The following JAKMIP1 variants were observed in gnomAD, a reference collection of about 807,000 sequenced individuals.
JAKMIP1 encodes janus kinase and microtubule interacting protein 1.
JAKMIP1 carries 33 observed loss-of-function variants against 113.0 expected under a neutral mutation model. That is an observed-to-expected ratio of 0.29 (90% confidence interval 0.22 to 0.39). The LOEUF (loss-of-function observed/expected upper bound fraction) is 0.39. Ranked by LOEUF, JAKMIP1 falls within the 10% of genes least tolerant of loss-of-function variation. JAKMIP1 has a pLI of 1.00. For synonymous variants in JAKMIP1, 480 were observed against 459.9 expected (o/e 1.04, Z -0.56); for missense variants, 813 against 1,080.5 (o/e 0.75, Z 3.47).
intron 1 of JAKMIP1, among the ~76,000 whole-genome samples, chr4:6,118,800 T>G (rs1716238814): frequency 6.6e-6 from 1 of 152,156 alleles, no homozygotes; most frequent in East Asian, 1.9e-4. Context: ...TGAGGCGGGC[T>G]GAATCGTGGC....
At chr4:6,052,897 C>T (rs1187541367) in intron 13 of JAKMIP1, among the ~76,000 whole-genome samples, 1 of 152,160 alleles carries the variant, frequency 6.6e-6, no homozygotes, top group Non-Finnish European at 1.5e-5. Flanking sequence ...CTGAGTCACT[C>T]TTGGTGTGAG....
chr4:6,127,263 A>G (rs1232951188), intron 1 of JAKMIP1, among the ~76,000 whole-genome samples: 3 of 152,228 alleles, frequency 2.0e-5, no homozygotes, highest in African/African-American at 7.2e-5. Flanking sequence ...GCCCGGGGGC[A>G]GCCAGGGCAT....
intron 3 of JAKMIP1, among the ~76,000 whole-genome samples, chr4:6,100,204 C>T (rs190098005): frequency 3.3e-5 from 5 of 152,332 alleles, no homozygotes; most frequent in South Asian, 4.1e-4. Flanking sequence ...GAACCTTCCT[C>T]GCCCAGTAAG....
At position 6,186,297 on chromosome 4, in the gene JAKMIP1, G is replaced by A. The variant is rs1726649553; in HGVS notation, c.-148+13956C>T. ...GGGCATTCCAGGAAAGTGGGATGGT[G>A]AGCAAAAGCATGGAAGTTGGAAAAG... On this transcript the variant is annotated intron_variant, in intron 1 of 20. Coordinates refer to ENST00000409021, the MANE Select transcript of JAKMIP1 (RefSeq NM_001099433.2). This position sits in a 1 kb window ranked among gnomAD's most constrained non-coding sequence, Gnocchi z 5.5. Among the ~76,000 whole-genome samples the A allele has an allele frequency of 1.3e-5, 2 of 152,202 alleles. No individual in the cohort carries two copies. The highest frequency in any genetic ancestry group is 2.4e-5 in the African/African-American group (1 of 41,458).
intron 3 of JAKMIP1, among the ~76,000 whole-genome samples, chr4:6,102,752 G>C (rs552406053): frequency 0.023 from 536 of 23,708 alleles, 9 homozygotes; most frequent in African/African-American, 0.12. Flanking sequence ...TTTTTTTTTT[G>C]AGAGGGAGTC....
Position 6,062,293 on chromosome 4 carries a change from T to G in JAKMIP1, c.1560+19A>C. The G allele has an allele frequency of 6.2e-7, 1 of 1,611,530 alleles. No homozygotes were observed. The highest frequency in any genetic ancestry group is 8.5e-7 in the Non-Finnish European group (1 of 1,179,724). On this transcript the variant is annotated intron_variant, in intron 10 of 20. Transcript: ENST00000409021. Reference sequence around the variant, plus strand: ...GGCCTTCGGCCCCTCCCTCGAGCCCTGAGGCTGGCTGCACTCACCCGGGCC... The same window carrying G: ...GGCCTTCGGCCCCTCCCTCGAGCCCGGAGGCTGGCTGCACTCACCCGGGCC...
At chr4:6,060,329 C>T in intron 11 of JAKMIP1, 95 bp downstream of exon 11, 1 of 923,498 alleles carries the variant, frequency 1.1e-6, no homozygotes, top group Non-Finnish European at 1.8e-6. Flanking sequence ...TCCAGCCCCA[C>T]AGAATGTCCC....
At chr4:6,033,015 A>C (rs1253560404) in intron 19 of JAKMIP1, among the ~76,000 whole-genome samples, 1 of 152,232 alleles carries the variant, frequency 6.6e-6, no homozygotes, top group Non-Finnish European at 1.5e-5. Flanking sequence ...ACCCTCAGAG[A>C]GGGTCAGGAC....
At chr4:6,172,794 A>G (rs1034807793) in intron 1 of JAKMIP1, among the ~76,000 whole-genome samples, 1 of 152,074 alleles carries the variant, frequency 6.6e-6, no homozygotes, top group African/African-American at 2.4e-5. Flanking sequence ...CCTGCCCAAG[A>G]TGCCCCACCC....
At chr4:6,036,717 TCA>T (rs986346284) in intron 18 of JAKMIP1, among the ~76,000 whole-genome samples, 2 of 152,250 alleles carry the variant, frequency 1.3e-5, no homozygotes, top group Non-Finnish European at 2.9e-5. Context: ...TTACTCGTTT[TCA>T]CAGCAAGACA....
chr4:6,036,315 T>G (rs1458365894), intron 18 of JAKMIP1, among the ~76,000 whole-genome samples: 1 of 152,196 alleles, frequency 6.6e-6, no homozygotes, highest in Non-Finnish European at 1.5e-5. Context: ...CATTTTTTAC[T>G]CTATTCAACC....
intron 1 of JAKMIP1, among the ~76,000 whole-genome samples, chr4:6,177,827 G>A (rs1725537469): frequency 6.6e-6 from 1 of 152,178 alleles, no homozygotes; most frequent in South Asian, 2.1e-4. Flanking sequence ...CCTCTGCATT[G>A]TCTCTGAGCC....
intron 16 of JAKMIP1, among the ~76,000 whole-genome samples, chr4:6,046,447 G>T (rs1219598549): frequency 6.6e-6 from 1 of 152,226 alleles, no homozygotes; most frequent in African/African-American, 2.4e-5. Context: ...CAGAATCGGG[G>T]CCCCATAACC....
rs1727476996 is a variant in JAKMIP1, at chr4:6,193,259, A to G, written c.-148+6994T>C. ...CACAGGCTGAAGGCTGTGCTGTTGG[A>G]TTCTGTACTTTTGAGGTTTTGGGAT... On this transcript the variant is annotated intron_variant, in intron 1 of 20. Transcript: ENST00000409021. The surrounding 1 kb of genome is among the most constrained non-coding windows in gnomAD (Gnocchi z 6.4). Among the ~76,000 whole-genome samples, 1 of 151,996 alleles carries G rather than the reference A, an allele frequency of 6.6e-6. No individual in the cohort carries two copies. Among genetic ancestry groups the G allele is most frequent in the Admixed American group, 6.6e-5 (1 of 15,266 alleles).
chr4:6,191,462 C>A (rs1386292775), intron 1 of JAKMIP1, among the ~76,000 whole-genome samples: 1 of 152,226 alleles, frequency 6.6e-6, no homozygotes, highest in Non-Finnish European at 1.5e-5. Context: ...ACCTTGCCAC[C>A]CCTTGTCCTC....
At chr4:6,120,780 G>A (rs1716598038) in intron 1 of JAKMIP1, among the ~76,000 whole-genome samples, 1 of 152,158 alleles carries the variant, frequency 6.6e-6, no homozygotes, top group South Asian at 2.1e-4. Context: ...CTCCTTCCAT[G>A]CGTCCTTTAT....
At chr4:6,174,742 C>T (rs1028488858) in intron 1 of JAKMIP1, among the ~76,000 whole-genome samples, 17 of 152,052 alleles carry the variant, frequency 1.1e-4, no homozygotes, top group African/African-American at 4.1e-4. Flanking sequence ...AAAGCCCCAC[C>T]CCCTCCCTGC....
chr4:6,026,922 ATGT>A (rs576957505), intron 20 of JAKMIP1, among the ~76,000 whole-genome samples: 39 of 135,046 alleles, frequency 2.9e-4, no homozygotes, highest in African/African-American at 1.1e-3. Context: ...AGTGTAATTT[ATGT>A]GTGGCCCAAG....
At chr4:6,085,694 A>C in intron 3 of JAKMIP1, 65 bp from the exon 4 acceptor site, 12 of 1,469,608 alleles carry the variant, frequency 8.2e-6, no homozygotes, top group Non-Finnish European at 1.1e-5. Flanking sequence ...CTCTCCCCAA[A>C]TTGGGGCCTT....
Sources: allele counts gnomAD v4.1 joint callset (sites outside exome capture counted in the v4.1 genomes callset), GRCh38; gene constraint gnomAD v4.1.1; non-coding constraint Gnocchi (gnomAD v3.1); transcripts MANE v1.5; gene names NCBI Gene and HGNC (gene_info 2026-07-23, HGNC 2026-07-21).